The following INVS variants were observed in gnomAD, a reference collection of about 807,000 sequenced individuals.
INVS encodes the protein inversion of embryo turning homolog.
In INVS, 86 loss-of-function variants were observed where a neutral mutation model predicts 108.8. That is an observed-to-expected ratio of 0.79 (90% CI 0.66 to 0.95). The LOEUF (loss-of-function observed/expected upper bound fraction) is 0.95, where lower values mean the gene tolerates loss of function less well. INVS is among the 40% of genes least tolerant of loss of function. The probability of loss-of-function intolerance (pLI) is 0.00; values close to 1 mark genes in which losing one functional copy is unlikely to be tolerated. For missense variants in INVS, 1,169 were observed against 1,297.4 expected (o/e 0.90, Z 1.52); for synonymous variants, 455 against 473.5 (o/e 0.96, Z 0.51).
chr9:100,124,238 T>G (rs1827815489), intron 2 of INVS, among the ~76,000 whole-genome samples: 1 of 151,604 alleles, frequency 6.6e-6, no homozygotes, highest in Non-Finnish European at 1.5e-5. Context: ...GGTATTAGAA[T>G]ATGTATACTT....
intron 3 of INVS, among the ~76,000 whole-genome samples, chr9:100,131,570 T>G (rs1828056154): frequency 6.6e-6 from 1 of 152,196 alleles, no homozygotes; most frequent in South Asian, 2.1e-4. Context: ...ACAAAAGATA[T>G]CTAATTGTTA....
intron 3 of INVS, among the ~76,000 whole-genome samples, chr9:100,221,089 A>G (rs2118368773): frequency 6.6e-6 from 1 of 152,298 alleles, no homozygotes; most frequent in South Asian, 2.1e-4. Context: ...AAGTATTTAG[A>G]CTTTCTGTAA....
chr9:100,254,006 G>T (rs1242551320), intron 10 of INVS, among the ~76,000 whole-genome samples: 2 of 152,134 alleles, frequency 1.3e-5, no homozygotes, highest in South Asian at 2.1e-4. Flanking sequence ...CTTCCACAAT[G>T]GTTGAACTAG....
chr9:100,224,541 C>G (rs1046090685), intron 3 of INVS, among the ~76,000 whole-genome samples: 1 of 152,078 alleles, frequency 6.6e-6, no homozygotes, highest in Admixed American at 6.5e-5. Flanking sequence ...TCAAAGCTGC[C>G]ATGTTACACA....
intron 3 of INVS, among the ~76,000 whole-genome samples, chr9:100,171,582 G>A (rs1829542992): frequency 6.6e-6 from 1 of 152,168 alleles, no homozygotes; most frequent in Non-Finnish European, 1.5e-5. Flanking sequence ...ACCATGAAGT[G>A]TCTGTCCTAC....
At chr9:100,295,084 A>C (rs970545147) in intron 14 of INVS, among the ~76,000 whole-genome samples, 5 of 152,194 alleles carry the variant, frequency 3.3e-5, no homozygotes, top group African/African-American at 9.7e-5. Flanking sequence ...CATCCAGATG[A>C]ACTTTTTAAG....
At chr9:100,129,769 T>C in intron 3 of INVS, 2 of 653,512 alleles carry the variant, frequency 3.1e-6, no homozygotes, top group South Asian at 1.8e-5. Flanking sequence ...CATCCTGGCC[T>C]TTTCCTTTAT....
At chr9:100,218,096 T>G (rs1405994757) in intron 3 of INVS, among the ~76,000 whole-genome samples, 1 of 152,150 alleles carries the variant, frequency 6.6e-6, no homozygotes, top group African/African-American at 2.4e-5. Flanking sequence ...GGATTTAAAA[T>G]GAACTATGAC....
At chr9:100,181,671 A>T (rs1252741320) in intron 3 of INVS, among the ~76,000 whole-genome samples, 1 of 152,190 alleles carries the variant, frequency 6.6e-6, no homozygotes, top group Non-Finnish European at 1.5e-5. Context: ...AATCAATATG[A>T]TGAAAATGGC....
In INVS at chr9:100,118,262, G is replaced by A. The variant is rs942249275; in HGVS notation, c.107-8121G>A. 4.6e-5 allele frequency among the ~76,000 whole-genome samples: 7 copies of A among 151,806 alleles called. No homozygotes were observed. The East Asian group carries it at 1.2e-3, about 25-fold the overall frequency. The stretch of plus-strand genomic sequence containing the variant: ...CTTACTTTGTTGCCCAGGCTGGAGT[G>A]CAATGGCAATATCTCAGCTCACTGC... On this transcript the variant is annotated intron_variant, in intron 2 of 16. Transcript: ENST00000262457.
chr9:100,179,903 C>A lies in INVS; in HGVS notation c.274-46159C>A, dbSNP rs376527085. ...ACCACATAATTGGAAGTAAAACACT[C>A]CTCAGCAAATGCAAAAGAATGGAAA... On this transcript the variant is annotated intron_variant, in intron 3 of 16. Coordinates refer to ENST00000262457, the MANE Select transcript of INVS (RefSeq NM_014425.5). Among the ~76,000 whole-genome samples the A allele has an allele frequency of 1.7e-4, 26 of 152,252 alleles. No individual in the cohort carries two copies. The East Asian group carries it at 5.0e-3, about 29-fold the overall frequency.
chr9:100,240,223 A>G lies in INVS; in HGVS notation c.779A>G (p.His260Arg), dbSNP rs747189159. Residue 260 changes from histidine (H) to arginine (R), a missense_variant, in exon 6 of 17, where the codon CAC (histidine) becomes CGC (arginine). Physicochemically the swap from His to Arg is conservative, Grantham distance 29. Transcript: ENST00000262457. ...GATAACTTATTTCGAACCCCACTGCACTGGGCAGCTTTATTAGGTACGTGA... is the reference window on the plus strand; with the variant it reads ...GATAACTTATTTCGAACCCCACTGCGCTGGGCAGCTTTATTAGGTACGTGA... ...SYDNLFRTPL[H>R]WAALLGHAQI... 9 of 1,613,794 alleles carry G rather than the reference A, an allele frequency of 5.6e-6. No individual in the cohort carries two copies. The highest frequency in any genetic ancestry group is 7.6e-6 in the Non-Finnish European group (9 of 1,179,880).
intron 3 of INVS, among the ~76,000 whole-genome samples, chr9:100,185,785 T>C (rs1830039989): frequency 6.6e-6 from 1 of 152,086 alleles, no homozygotes; most frequent in African/African-American, 2.4e-5. Context: ...CTTCCACTTA[T>C]AAGTGAGAAC....
rs1039090132 is a variant in INVS, at chr9:100,302,085, T to A, written c.*1411T>A. ...TGCAAAGAAAGAAGGTTCGTAAACT[T>A]CTTTAAAAGTTCAGCTTTAATGACA... is the stretch of plus-strand genomic sequence containing the variant. On this transcript the variant is annotated 3_prime_UTR_variant, in exon 17 of 17. Coordinates refer to ENST00000262457, the MANE Select transcript of INVS (RefSeq NM_014425.5). 17 of 660,644 alleles carry A rather than the reference T, an allele frequency of 2.6e-5. No individual in the cohort carries two copies. The East Asian group carries it at 4.6e-4, about 18-fold the overall frequency. 40.9% of individuals were successfully genotyped at this position (660,644 alleles called of 1,614,324 possible).
chr9:100,210,247 G>A (rs1055755589), intron 3 of INVS, among the ~76,000 whole-genome samples: 1 of 152,120 alleles, frequency 6.6e-6, no homozygotes, highest in Non-Finnish European at 1.5e-5. Flanking sequence ...GGGGGTTATT[G>A]GAGCATGTAA....
At chr9:100,198,687 G>T (rs528393814) in intron 3 of INVS, among the ~76,000 whole-genome samples, 2 of 151,648 alleles carry the variant, frequency 1.3e-5, no homozygotes, top group Non-Finnish European at 2.9e-5. Flanking sequence ...CCATCTCTGG[G>T]GTTCAAGCAA....
intron 3 of INVS, among the ~76,000 whole-genome samples, chr9:100,176,765 G>A (rs996401678): frequency 9.9e-5 from 15 of 152,042 alleles, no homozygotes; most frequent in African/African-American, 3.1e-4. Context: ...ATGAGCCACC[G>A]TGCCTGGCCT....
At chr9:100,176,998 A>G (rs1450546372) in intron 3 of INVS, among the ~76,000 whole-genome samples, 2 of 151,348 alleles carry the variant, frequency 1.3e-5, no homozygotes, top group African/African-American at 4.8e-5. Flanking sequence ...TCACCTTTAA[A>G]AAAAAAAAAA....
intron 3 of INVS, among the ~76,000 whole-genome samples, chr9:100,133,968 G>C (rs1204622194): frequency 6.6e-6 from 1 of 151,966 alleles, no homozygotes; most frequent in East Asian, 1.9e-4. Context: ...AAGTTATTGG[G>C]GGTAAAAGTG....
Sources: gnomAD v4.1 joint callset for allele counts (sites outside exome capture counted in the v4.1 genomes callset) on GRCh38, gnomAD v4.1.1 for gene constraint, MANE v1.5 for transcripts, NCBI Gene and HGNC (gene_info 2026-07-23, HGNC 2026-07-21) for gene names.